The following NFIC variants were observed in gnomAD, a reference collection of about 807,000 sequenced individuals.
NFIC encodes the protein nuclear factor I C.
A neutral mutation model predicts 54.4 loss-of-function variants in NFIC; 12 were observed. That is an observed-to-expected ratio of 0.22 (90% confidence interval 0.14 to 0.36). The LOEUF (loss-of-function observed/expected upper bound fraction) is 0.36, where lower values mean the gene tolerates loss of function less well. Among genes scored for constraint, NFIC ranks in the 10% least tolerant of loss-of-function variants. The probability of loss-of-function intolerance (pLI) is 1.00; values close to 1 mark genes in which losing one functional copy is unlikely to be tolerated. For synonymous variants in NFIC, 322 were observed against 319.2 expected (o/e 1.01, Z -0.09); for missense variants, 575 against 718.2 (o/e 0.80, Z 2.28).
At position 3,464,231 on chromosome 19, in the gene NFIC, A is replaced by T; in HGVS notation, c.*1462A>T. ...CATCACGGCTGGGCCCCCAGAGGAGAGAGGAGGCCGACGCCAGCGGTCCCC... is the reference window on the plus strand; with the variant it reads ...CATCACGGCTGGGCCCCCAGAGGAGTGAGGAGGCCGACGCCAGCGGTCCCC... On this transcript the variant is annotated 3_prime_UTR_variant, in exon 11 of 11. Coordinates refer to ENST00000443272, the MANE Select transcript of NFIC (RefSeq NM_001245002.2). 1 of 985,128 alleles carries T rather than the reference A, an allele frequency of 1.0e-6. No homozygotes were observed. The highest frequency in any genetic ancestry group is 1.2e-6 in the Non-Finnish European group (1 of 829,846). 61.0% of individuals were successfully genotyped at this position (985,128 alleles called of 1,614,324 possible). A position where few individuals can be genotyped will look rare whatever the true frequency, so the allele number is the denominator to read the frequency against.
Position 3,467,212 on chromosome 19 carries a change from G to GCCCCCCCCCCCCCCC in NFIC, c.*4454_*4455insCCCCCCCCCCCCCCC, listed in dbSNP as rs374469121. On this transcript the variant is annotated 3_prime_UTR_variant, in exon 11 of 11. Coordinates refer to ENST00000443272, the MANE Select transcript of NFIC (RefSeq NM_001245002.2). ...GCTATGGACACCACACCTATGCCAG[G>GCCCCCCCCCCCCCCC]CCCCCCCCCCCACCCCAGTCTCATT... 9.1e-5 allele frequency: 8 copies of GCCCCCCCCCCCCCCC among 88,222 alleles called. No individual in the cohort carries two copies. Among genetic ancestry groups the GCCCCCCCCCCCCCCC allele is most frequent in the Admixed American group, 1.3e-4 (1 of 7,576 alleles). The allele number at this position is 88,222 out of a possible 1,614,324, so 5.5% of individuals were successfully genotyped here.
rs577010883 is a variant in NFIC at position 3,401,758 on chromosome 19, G to T, written c.562+19515G>T. ...CTTTTTTTAGACAGAGTCTCGCTCT[G>T]TCACCCAGGCTGGAGTGCAGTGGTG... is the stretch of plus-strand genomic sequence containing the variant. On this transcript the variant is annotated intron_variant, in intron 2 of 10. Coordinates refer to ENST00000443272, the MANE Select transcript of NFIC (RefSeq NM_001245002.2). Among the ~76,000 whole-genome samples the T allele has an allele frequency of 4.6e-5, 7 of 151,082 alleles. No homozygotes were observed. The South Asian group carries it at 1.5e-3, about 31-fold the overall frequency.
At chr19:3,420,556 A>AAAAT (rs374927099) in intron 2 of NFIC, among the ~76,000 whole-genome samples, 15,001 of 142,670 alleles carry the variant, frequency 0.11, 1,232 homozygotes, top group African/African-American at 0.22. Flanking sequence ...CCATCTCAAA[A>AAAAT]AAATAAATAA....
rs925049377 is a variant in NFIC at position 3,463,776 on chromosome 19, G to C, written c.*1007G>C. 1 of 985,332 alleles carries C rather than the reference G, an allele frequency of 1.0e-6. No individual in the cohort carries two copies. The highest frequency in any genetic ancestry group is 6.1e-5 in the Admixed American group (1 of 16,274). 61.0% of individuals were successfully genotyped at this position (985,332 alleles called of 1,614,324 possible). A position where few individuals can be genotyped will look rare whatever the true frequency, so the allele number is the denominator to read the frequency against. On this transcript the variant is annotated 3_prime_UTR_variant, in exon 11 of 11. Transcript: ENST00000443272. ...ACACCCAGAGCTCCCCGAGTTGGGG[G>C]TGCCCGTCTGGAGCGCCCCCGTCAG...
chr19:3,456,872 C>T (rs2082567410), intron 10 of NFIC: 1 of 570,126 alleles, frequency 1.8e-6, no homozygotes, highest in East Asian at 3.0e-5. Flanking sequence ...CCTGTGGGGT[C>T]CCCAGGAGCG....
chr19:3,383,021 G>A (rs988471575), intron 2 of NFIC, among the ~76,000 whole-genome samples: 1 of 152,052 alleles, frequency 6.6e-6, no homozygotes, highest in African/African-American at 2.4e-5. Context: ...GGAGGAGGCA[G>A]GAAGGCCCTT....
rs2082006897 is a variant in NFIC at position 3,425,096 on chromosome 19, C to G, written c.563-10C>G. On this transcript the variant is annotated splice_polypyrimidine_tract_variant and intron_variant, in intron 2 of 10. Transcript: ENST00000443272. ...GTGATGCCACCAGTGTTTCTTCCCTCTCTTTGCAGATGCAGAGCAAAGCGG... is the reference window on the plus strand; with the variant it reads ...GTGATGCCACCAGTGTTTCTTCCCTGTCTTTGCAGATGCAGAGCAAAGCGG... 1 of 1,613,268 alleles carries G rather than the reference C, an allele frequency of 6.2e-7. No homozygotes were observed. The highest frequency in any genetic ancestry group is 2.2e-5 in the East Asian group (1 of 44,860).
At chr19:3,427,802 C>G (rs571691545) in intron 3 of NFIC, among the ~76,000 whole-genome samples, 2 of 109,766 alleles carry the variant, frequency 1.8e-5, no homozygotes, top group East Asian at 5.5e-4. Context: ...GGCGACACAG[C>G]GAGACTCTGT....
intron 3 of NFIC, among the ~76,000 whole-genome samples, chr19:3,426,664 C>G (rs1479498530): frequency 6.6e-6 from 1 of 152,164 alleles, no homozygotes. Flanking sequence ...CACAACCTGT[C>G]CCATCCCTGC....
upstream of NFIC, among the ~76,000 whole-genome samples, chr19:3,361,630 C>T (rs1281654303): frequency 2.0e-5 from 3 of 152,056 alleles, no homozygotes; most frequent in African/African-American, 7.2e-5. Flanking sequence ...AGAGAAAACC[C>T]TCCCACAATG....
chr19:3,407,030 AG>A (rs1160735333), intron 2 of NFIC, among the ~76,000 whole-genome samples: 4 of 60,324 alleles, frequency 6.6e-5, no homozygotes, highest in Admixed American at 4.3e-4. Context: ...GAGGGGAGGG[AG>A]GGGGCAGAGG....
At chr19:3,456,414 G>T (rs1337203536) in intron 9 of NFIC, 136 bp from the exon 10 acceptor site, 2 of 782,422 alleles carry the variant, frequency 2.6e-6, no homozygotes, top group Non-Finnish European at 4.1e-6. Context: ...AGGGCGGCAG[G>T]CTCGGAGGCC....
chr19:3,441,790 C>G (rs1480644526), intron 6 of NFIC, among the ~76,000 whole-genome samples: 2 of 152,230 alleles, frequency 1.3e-5, no homozygotes, highest in East Asian at 3.9e-4. Flanking sequence ...AGAGGGAGGA[C>G]ACAAAACAGG....
At chr19:3,379,673 CTTTT>C (rs370082450) in intron 1 of NFIC, among the ~76,000 whole-genome samples, 4 of 102,534 alleles carry the variant, frequency 3.9e-5, no homozygotes, top group African/African-American at 1.4e-4. Flanking sequence ...TTATTTCTTT[CTTTT>C]TTTTTTTTTT....
chr19:3,441,114 G>A (rs1402311764), intron 6 of NFIC, among the ~76,000 whole-genome samples: 3 of 152,182 alleles, frequency 2.0e-5, no homozygotes, highest in Non-Finnish European at 4.4e-5. Context: ...CCGGCTGGCC[G>A]CTTTTTCTCT....
chr19:3,459,078 C>G lies in NFIC; in HGVS notation c.1509+2443C>G, dbSNP rs1010340250. Reference sequence around the variant, plus strand: ...CCTCTCCCAGCTCCCGCTCAAAGGGCCCTGAGCTTGGAGGCCTCTCATTTC... The same window carrying G: ...CCTCTCCCAGCTCCCGCTCAAAGGGGCCTGAGCTTGGAGGCCTCTCATTTC... On this transcript the variant is annotated intron_variant, in intron 10 of 10. Transcript: ENST00000443272. This position sits in a 1 kb window ranked among gnomAD's most constrained non-coding sequence, Gnocchi z 4.2. Among the ~76,000 whole-genome samples the G allele has an allele frequency of 1.3e-5, 2 of 152,148 alleles. No homozygotes were observed. The highest frequency in any genetic ancestry group is 4.8e-5 in the African/African-American group (2 of 41,424).
upstream of NFIC, among the ~76,000 whole-genome samples, chr19:3,362,169 T>C (rs2080820161): frequency 6.6e-6 from 1 of 152,166 alleles, no homozygotes; most frequent in Non-Finnish European, 1.5e-5. Flanking sequence ...ATGGTGCGTA[T>C]GTGACTCTGT....
chr19:3,402,911 G>A (rs76290907), intron 2 of NFIC, among the ~76,000 whole-genome samples: 4,513 of 152,200 alleles, frequency 0.03, 87 homozygotes, highest in Middle Eastern at 0.058. Context: ...GGCAGAAAGC[G>A]GACAGGACAG....
chr19:3,434,022 C>A (rs575603302), intron 4 of NFIC, among the ~76,000 whole-genome samples: 2 of 152,304 alleles, frequency 1.3e-5, no homozygotes, highest in African/African-American at 4.8e-5. Context: ...CTGACACCTT[C>A]CCTGTCCAGA....
Sources: allele counts gnomAD v4.1 joint callset (sites outside exome capture counted in the v4.1 genomes callset), GRCh38; gene constraint gnomAD v4.1.1; non-coding constraint Gnocchi (gnomAD v3.1); transcripts MANE v1.5; gene names NCBI Gene and HGNC (gene_info 2026-07-23, HGNC 2026-07-21).